ALK: variants seen among roughly 807,000 people sequenced by gnomAD.
ALK encodes the protein ALK receptor tyrosine kinase, also known as ALK tyrosine kinase receptor.
Under a neutral mutation model 163.1 loss-of-function variants are expected in ALK, and 74 were observed. The observed-to-expected ratio is 0.45, with a 90% CI of 0.38 to 0.55. ALK has a LOEUF of 0.55. ALK is among the 20% of genes least tolerant of loss of function. ALK has a pLI of 0.00. For synonymous variants in ALK, 960 were observed against 843.2 expected (o/e 1.14, Z -2.40); for missense variants, 2,063 against 2,105.3 (o/e 0.98, Z 0.39).
intron 1 of ALK, among the ~76,000 whole-genome samples, chr2:29,893,013 C>G (rs1667183159): frequency 6.6e-6 from 1 of 152,178 alleles, no homozygotes; most frequent in Non-Finnish European, 1.5e-5. Flanking sequence ...CCCATTAGGG[C>G]ACAGTACTGC....
At chr2:29,534,964 A>G (rs1420083819) in intron 3 of ALK, among the ~76,000 whole-genome samples, 1 of 152,246 alleles carries the variant, frequency 6.6e-6, no homozygotes, top group Non-Finnish European at 1.5e-5. Flanking sequence ...GGAACTCTAT[A>G]GTTGAGAGCT....
intron 4 of ALK, among the ~76,000 whole-genome samples, chr2:29,466,201 CCTT>C (rs1026357933): frequency 3.9e-5 from 6 of 152,190 alleles, no homozygotes; most frequent in Non-Finnish European, 8.8e-5. Context: ...CTGATTTCTT[CCTT>C]CTTCTTTAAA....
chr2:29,868,307 T>C (rs555983416), intron 1 of ALK, among the ~76,000 whole-genome samples: 1 of 152,346 alleles, frequency 6.6e-6, no homozygotes, highest in African/African-American at 2.4e-5. Context: ...GCACCTACTA[T>C]GTATTAGTCA....
intron 4 of ALK, among the ~76,000 whole-genome samples, chr2:29,403,289 G>A (rs1306353772): frequency 6.6e-6 from 1 of 152,208 alleles, no homozygotes; most frequent in Non-Finnish European, 1.5e-5. Context: ...AGATGGGCAA[G>A]ACTTACTCAC....
rs898659113 is a variant in ALK, at chr2:29,921,049, G to A, written c.-390C>T. On this transcript the variant is annotated 5_prime_UTR_variant, in exon 1 of 29. Transcript: ENST00000389048. ...TCCTCTCCTGCCCCCCGCAGTCGGA[G>A]CTGGGGTCTGTCCCCTCTCGGGGCA... 1.1e-5 allele frequency: 3 copies of A among 274,766 alleles called. No individual in the cohort carries two copies. Among genetic ancestry groups the A allele is most frequent in the African/African-American group, 6.5e-5 (3 of 46,486 alleles). 17.0% of individuals were successfully genotyped at this position (274,766 alleles called of 1,614,324 possible).
chr2:29,589,454 G>T (rs1165018762), intron 3 of ALK, among the ~76,000 whole-genome samples: 2 of 152,200 alleles, frequency 1.3e-5, no homozygotes, highest in Non-Finnish European at 2.9e-5. Flanking sequence ...TGGTGGTCCT[G>T]AGTTTGTACA....
In ALK at chr2:29,198,961, C is replaced by CTT. The variant is rs145929777; in HGVS notation, c.3939-1287_3939-1286dup. On this transcript the variant is annotated intron_variant, in intron 26 of 28. Transcript: ENST00000389048. ...TTCAAATACTTTTATTAGTTGTTTT[C>CTT]TTTTTTTTTTTTTATGTAGTCTCAC... Among the ~76,000 whole-genome samples, 289 of 144,950 alleles carry CTT rather than the reference C, an allele frequency of 2.0e-3. 4 individuals carry two copies. The East Asian group carries it at 0.026, about 13-fold the overall frequency.
intron 26 of ALK, among the ~76,000 whole-genome samples, chr2:29,200,747 A>G (rs1573089255): frequency 9.2e-6 from 1 of 108,768 alleles, no homozygotes; most frequent in Non-Finnish European, 1.6e-5. Flanking sequence ...ATACGTATAT[A>G]TATACGTATA....
chr2:29,345,317 GC>G (rs1310274287), intron 5 of ALK, among the ~76,000 whole-genome samples: 1 of 151,878 alleles, frequency 6.6e-6, no homozygotes, highest in African/African-American at 2.4e-5. Flanking sequence ...GATCACCTGA[GC>G]CTGGGAGTTC....
intron 4 of ALK, among the ~76,000 whole-genome samples, chr2:29,456,256 G>T (rs1392477452): frequency 6.6e-6 from 1 of 152,146 alleles, no homozygotes; most frequent in Non-Finnish European, 1.5e-5. Flanking sequence ...GAGTCAAATA[G>T]ATATTTGTAC....
chr2:29,480,550 A>G (rs1003374712), intron 4 of ALK, among the ~76,000 whole-genome samples: 1 of 152,094 alleles, frequency 6.6e-6, no homozygotes, highest in Non-Finnish European at 1.5e-5. Context: ...ATTGTCTGTT[A>G]TATTTCTTGT....
At chr2:29,536,864 T>C (rs1405471761) in intron 3 of ALK, among the ~76,000 whole-genome samples, 1 of 152,152 alleles carries the variant, frequency 6.6e-6, no homozygotes, top group South Asian at 2.1e-4. Context: ...CCTCAGCAAA[T>C]AATTGGGCTG....
At chr2:29,840,998 G>A (rs1297327239) in intron 1 of ALK, among the ~76,000 whole-genome samples, 1 of 152,142 alleles carries the variant, frequency 6.6e-6, no homozygotes, top group Non-Finnish European at 1.5e-5. Flanking sequence ...AAACACTGCA[G>A]TCACCGCTCC....
intron 1 of ALK, among the ~76,000 whole-genome samples, chr2:29,824,858 G>T (rs541077160): frequency 6.6e-6 from 1 of 152,104 alleles, no homozygotes; most frequent in South Asian, 2.1e-4. Context: ...GGGAATGCAT[G>T]ATTGTTTTGA....
At chr2:29,672,527 T>C (rs1464639187) in intron 3 of ALK, among the ~76,000 whole-genome samples, 3 of 150,008 alleles carry the variant, frequency 2.0e-5, no homozygotes, top group Admixed American at 6.6e-5. Context: ...TATGGCTGCA[T>C]AGTATTCCAT....
At chr2:29,395,630 G>A (rs926823967) in intron 4 of ALK, among the ~76,000 whole-genome samples, 12 of 152,214 alleles carry the variant, frequency 7.9e-5, no homozygotes, top group African/African-American at 2.7e-4. Flanking sequence ...CCATAGAAAT[G>A]AGAATTGTTG....
intron 1 of ALK, among the ~76,000 whole-genome samples, chr2:29,915,375 A>G (rs985874723): frequency 1.3e-5 from 2 of 152,172 alleles, no homozygotes; most frequent in Non-Finnish European, 2.9e-5. Flanking sequence ...GCATGCCACA[A>G]TGCCTGGCTA....
intron 1 of ALK, among the ~76,000 whole-genome samples, chr2:29,799,271 A>T (rs944801990): frequency 6.6e-6 from 1 of 152,214 alleles, no homozygotes; most frequent in African/African-American, 2.4e-5. Context: ...TAGCCATTGA[A>T]ATCCAGCAAG....
intron 9 of ALK, among the ~76,000 whole-genome samples, chr2:29,282,287 G>A (rs1003476725): frequency 2.0e-5 from 3 of 152,196 alleles, no homozygotes; most frequent in African/African-American, 7.2e-5. Flanking sequence ...CTGTCATGAA[G>A]CTTGGGTCGC....
Sources: gnomAD v4.1 joint callset for allele counts (sites outside exome capture counted in the v4.1 genomes callset) on GRCh38, gnomAD v4.1.1 for gene constraint, MANE v1.5 for transcripts, NCBI Gene and HGNC (gene_info 2026-07-23, HGNC 2026-07-21) for gene names.